XRCC6: variants seen among roughly 807,000 people sequenced by gnomAD.
The protein encoded by XRCC6 is X-ray repair cross complementing 6.
In XRCC6, 5 loss-of-function variants were observed where a neutral mutation model predicts 65.7. The observed-to-expected ratio is 0.08, with a 90% CI of 0.04 to 0.16. XRCC6 has a LOEUF of 0.16. Ranked by LOEUF, XRCC6 falls within the 10% of genes least tolerant of loss-of-function variation. The probability of loss-of-function intolerance (pLI) is 1.00; values close to 1 mark genes in which losing one functional copy is unlikely to be tolerated. For synonymous variants in XRCC6, 270 were observed against 270.6 expected, an observed-to-expected ratio of 1.00 and a Z score of 0.02; for missense variants, 447 against 738.1, an observed-to-expected ratio of 0.61 and a Z score of 4.57.
Position 41,639,667 on chromosome 22 carries a change from C to CTCTTTTTTTTTT in XRCC6, c.773+1877_773+1878insCTTTTTTTTTTT, listed in dbSNP as rs748593929. On this transcript the variant is annotated intron_variant, in intron 6 of 12. Coordinates refer to ENST00000360079, the MANE Select transcript of XRCC6 (RefSeq NM_001469.5). ...TCCATGTGTAGCCTAGATTCTCTCT[C>CTCTTTTTTTTTT]TTTTTTTTTTTTTGAGATGGAGTCT... Among the ~76,000 whole-genome samples, 11 of 81,042 alleles carry CTCTTTTTTTTTT rather than the reference C, an allele frequency of 1.4e-4. 1 individual carries two copies. The highest frequency in any genetic ancestry group is 1.8e-4 in the Non-Finnish European group (8 of 44,158). 53.2% of individuals were successfully genotyped at this position (81,042 alleles called of 152,430 possible).
At chr22:41,645,042 T>A in intron 6 of XRCC6, among the ~76,000 whole-genome samples, 1 of 152,034 alleles carries the variant, frequency 6.6e-6, no homozygotes, top group East Asian at 2.0e-4. Context: ...GGCTCACACC[T>A]GTAATCCCAG....
At chr22:41,638,331 C>A (rs183504425) in intron 6 of XRCC6, among the ~76,000 whole-genome samples, 6 of 152,290 alleles carry the variant, frequency 3.9e-5, no homozygotes, top group Admixed American at 2.0e-4. Context: ...GTACTTCACA[C>A]ACCCAGAGAG....
intron 7 of XRCC6, among the ~76,000 whole-genome samples, chr22:41,647,933 A>T (rs1289655642): frequency 2.0e-5 from 3 of 151,710 alleles, no homozygotes; most frequent in African/African-American, 7.3e-5. Context: ...AGAGACATTG[A>T]TCAGGCTGAC....
chr22:41,654,780 C>A (rs2068029994), intron 9 of XRCC6, among the ~76,000 whole-genome samples: 2 of 152,132 alleles, frequency 1.3e-5, no homozygotes, highest in Admixed American at 1.3e-4. Context: ...CCGGCTAGCT[C>A]TGGATGTATC....
At chr22:41,645,313 CAAAAAACAAA>C (rs2067920152) in intron 6 of XRCC6, among the ~76,000 whole-genome samples, 1 of 148,466 alleles carries the variant, frequency 6.7e-6, no homozygotes, top group Non-Finnish European at 1.5e-5. Flanking sequence ...AAAAAAAAAA[CAAAAAACAAA>C]AAAAAACAAA....
chr22:41,639,904 C>A (rs1197298154), intron 6 of XRCC6, among the ~76,000 whole-genome samples: 2 of 151,624 alleles, frequency 1.3e-5, no homozygotes, highest in African/African-American at 4.9e-5. Flanking sequence ...GTGATCCGCC[C>A]GCCTCGGCCT....
intron 8 of XRCC6, among the ~76,000 whole-genome samples, chr22:41,651,269 G>A (rs1270371143): frequency 1.3e-5 from 2 of 149,416 alleles, no homozygotes; most frequent in African/African-American, 4.9e-5. Context: ...CTGCACTCCA[G>A]CCTGGGCCAT....
rs570058130 is a variant in XRCC6 at position 41,622,997 on chromosome 22, T to G, written c.82+911T>G. ...AAATACAAAAAAGAAAAAAATTTGC[T>G]ATAATCTACCACTCTAACACAACCA... On this transcript the variant is annotated intron_variant, in intron 2 of 12. Coordinates refer to ENST00000360079, the MANE Select transcript of XRCC6 (RefSeq NM_001469.5). Among the ~76,000 whole-genome samples the G allele has an allele frequency of 8.9e-4, 135 of 152,180 alleles. 1 individual carries two copies. Among genetic ancestry groups the G allele is most frequent in the East Asian group, 1.7e-3 (9 of 5,182 alleles).
At chr22:41,650,265 G>A (rs531008785) in intron 7 of XRCC6, among the ~76,000 whole-genome samples, 40 of 151,742 alleles carry the variant, frequency 2.6e-4, no homozygotes, top group Admixed American at 9.2e-4. Context: ...CCACTATACC[G>A]AGCTAATTTT....
At chr22:41,638,357 C>T (rs1236581878) in intron 6 of XRCC6, among the ~76,000 whole-genome samples, 1 of 152,178 alleles carries the variant, frequency 6.6e-6, no homozygotes, top group Non-Finnish European at 1.5e-5. Context: ...CTTGACTACA[C>T]ACCTGGGCTG....
intron 10 of XRCC6, 115 bp downstream of exon 10, chr22:41,657,147 C>CAAGCA: frequency 7.9e-7 from 1 of 1,264,458 alleles, no homozygotes. Flanking sequence ...TGACAGATTA[C>CAAGCA]TACTTGTTAT....
chr22:41,663,741 C>T lies in XRCC6; in HGVS notation c.1756C>T (p.Arg586Trp), dbSNP rs2068121661. The part of the protein sequence containing the change: ...FTVPMLKEAC[R>W]AYGLKSGLKK... ...TGTGCCCATGCTGAAAGAGGCCTGC[C>T]GGGCTTACGGGCTGAAGAGTGGGCT... Residue 586 changes from arginine (R) to tryptophan (W), a missense_variant, in exon 13 of 13, where the codon CGG becomes TGG. Physicochemically the swap from Arg to Trp is moderately radical, Grantham distance 101 (BLOSUM62 -3). Around this residue, in one of 4 missense-constraint regions of XRCC6, gnomAD observed 201 missense variants for 374.1 expected, o/e 0.54. Transcript: ENST00000360079. The T allele has an allele frequency of 1.9e-6, 3 of 1,613,932 alleles. No individual in the cohort carries two copies. The highest frequency in any genetic ancestry group is 2.5e-6 in the Non-Finnish European group (3 of 1,179,864).
At chr22:41,636,895 G>C in intron 5 of XRCC6, 125 bp downstream of exon 5, 1 of 1,274,634 alleles carries the variant, frequency 7.8e-7, no homozygotes, top group African/African-American at 1.5e-5. Context: ...CTATAAGCAT[G>C]TGCTGTTGTG....
Position 41,629,215 on chromosome 22 carries a change from G to C in XRCC6, c.195+985G>C, listed in dbSNP as rs5751132. Among the ~76,000 whole-genome samples the C allele has an allele frequency of 0.019, 2,873 of 152,186 alleles. 614 individuals are homozygous for C. The East Asian group carries it at 0.48, about 25-fold the overall frequency. The stretch of plus-strand genomic sequence containing the variant: ...ACCTGTTCTTGTTTCTTTAAATTGA[G>C]GTTGTGTTTCATGTAACATAAAATT... On this transcript the variant is annotated intron_variant, in intron 3 of 12. Transcript: ENST00000360079.
chr22:41,648,482 TG>T (rs1049425589), intron 7 of XRCC6, among the ~76,000 whole-genome samples: 4 of 152,280 alleles, frequency 2.6e-5, no homozygotes, highest in Non-Finnish European at 4.4e-5. Context: ...AATTTATTTT[TG>T]CTAGTGATAT....
intron 3 of XRCC6, among the ~76,000 whole-genome samples, chr22:41,629,983 C>CTTT (rs60191841): frequency 6.4e-5 from 6 of 93,548 alleles, no homozygotes; most frequent in East Asian, 3.1e-4. Flanking sequence ...TGCATTTATG[C>CTTT]TTTTTTTTTT....
intron 6 of XRCC6, among the ~76,000 whole-genome samples, chr22:41,645,199 G>C (rs1417117327): frequency 6.6e-6 from 1 of 151,864 alleles, no homozygotes; most frequent in Non-Finnish European, 1.5e-5. Context: ...TACTCGGGAG[G>C]CTGAGGCAGG....
chr22:41,624,770 G>C (rs1165450673), intron 2 of XRCC6, among the ~76,000 whole-genome samples: 2 of 151,540 alleles, frequency 1.3e-5, no homozygotes, highest in African/African-American at 4.9e-5. Context: ...GGCCGAGGCG[G>C]GTGGCTCACG....
At chr22:41,645,955 C>T (rs928677156) in intron 6 of XRCC6, among the ~76,000 whole-genome samples, 8 of 151,938 alleles carry the variant, frequency 5.3e-5, no homozygotes, top group South Asian at 2.1e-4. Context: ...CCTAAGCCAC[C>T]GCACCCGGCA....
Sources: allele counts gnomAD v4.1 joint callset (sites outside exome capture counted in the v4.1 genomes callset), GRCh38; gene constraint gnomAD v4.1.1; regional missense constraint gnomAD v4.1.1; transcripts MANE v1.5; gene names NCBI Gene and HGNC (gene_info 2026-07-23, HGNC 2026-07-21).